FAM107A: variants seen among roughly 807,000 people sequenced by gnomAD.
The protein encoded by FAM107A is family with sequence similarity 107 member A, also known as actin-associated protein FAM107A.
A neutral mutation model predicts 13.7 loss-of-function variants in FAM107A; 19 were observed. The observed-to-expected ratio is 1.38, with a 90% CI of 0.97 to 2.03. The LOEUF (loss-of-function observed/expected upper bound fraction) is 2.03. Among genes scored for constraint, FAM107A ranks in the 30% most tolerant of loss-of-function variants. The pLI, the probability that FAM107A is intolerant of heterozygous loss-of-function variation, is 0.00. For synonymous variants in FAM107A, 82 were observed against 74.5 expected (o/e 1.10, Z -0.52); for missense variants, 203 against 184.4 (o/e 1.10, Z -0.58).
chr3:58,624,167 G>C (rs1379614669), intron 1 of FAM107A, among the ~76,000 whole-genome samples: 2 of 152,212 alleles, frequency 1.3e-5, no homozygotes, highest in Admixed American at 6.5e-5. Context: ...CAGACATCTG[G>C]GTTGAACTCA....
chr3:58,612,641 C>A (rs1393839126), intron 1 of FAM107A, among the ~76,000 whole-genome samples: 1 of 150,834 alleles, frequency 6.6e-6, no homozygotes, highest in Non-Finnish European at 1.5e-5. Flanking sequence ...CAGACTCATG[C>A]CACAGTGTCA....
At chr3:58,589,225 C>T (rs1016480510), upstream of FAM107A, 1 of 1,535,154 alleles carries the variant, frequency 6.5e-7, no homozygotes, top group Non-Finnish European at 8.7e-7. Flanking sequence ...TTCGTCTCTG[C>T]TTCTCATTTT....
intron 1 of FAM107A, among the ~76,000 whole-genome samples, chr3:58,573,026 A>G (rs761391474): frequency 3.6e-5 from 5 of 140,086 alleles, no homozygotes; most frequent in Admixed American, 7.6e-5. Context: ...CCCTGGCTCA[A>G]TGACTTGCTC....
chr3:58,616,644 CCA>C (rs2065904516), intron 1 of FAM107A, among the ~76,000 whole-genome samples: 1 of 151,976 alleles, frequency 6.6e-6, no homozygotes, highest in Non-Finnish European at 1.5e-5. Context: ...ATTGCAGGCA[CCA>C]CCAAAAGCTA....
chr3:58,614,123 T>G (rs1301052447), intron 1 of FAM107A, among the ~76,000 whole-genome samples: 2 of 152,210 alleles, frequency 1.3e-5, no homozygotes, highest in East Asian at 3.8e-4. Context: ...ATTTCAGGGT[T>G]GAGCCCATTA....
chr3:58,608,246 T>C (rs2065814231), intron 1 of FAM107A, among the ~76,000 whole-genome samples: 1 of 152,170 alleles, frequency 6.6e-6, no homozygotes, highest in Non-Finnish European at 1.5e-5. Flanking sequence ...CAATAAATAG[T>C]AGTTAAGAGT....
intron 1 of FAM107A, among the ~76,000 whole-genome samples, chr3:58,626,170 C>A (rs1429201239): frequency 1.3e-5 from 2 of 151,618 alleles, no homozygotes; most frequent in Admixed American, 6.6e-5. Flanking sequence ...GCACGTAGGA[C>A]AATCCCGAGA....
chr3:58,574,764 C>G (rs891225954), intron 1 of FAM107A, among the ~76,000 whole-genome samples: 3 of 152,172 alleles, frequency 2.0e-5, no homozygotes, highest in Non-Finnish European at 4.4e-5. Flanking sequence ...TTTGGAACCC[C>G]TTGCTTGGTT....
chr3:58,578,936 A>G (rs1157149015), upstream of FAM107A, among the ~76,000 whole-genome samples: 1 of 152,186 alleles, frequency 6.6e-6, no homozygotes, highest in Non-Finnish European at 1.5e-5. Flanking sequence ...TTTAATTCCT[A>G]CTGTGTTCCT....
chr3:58,609,759 AC>A (rs1285501787), intron 1 of FAM107A, among the ~76,000 whole-genome samples: 1 of 152,098 alleles, frequency 6.6e-6, no homozygotes, highest in African/African-American at 2.4e-5. Context: ...TGGATATGGG[AC>A]CAAAGTCGGG....
upstream of FAM107A, among the ~76,000 whole-genome samples, chr3:58,589,772 ACATT>A (rs1006807414): frequency 1.3e-5 from 2 of 152,218 alleles, no homozygotes; most frequent in African/African-American, 4.8e-5. Flanking sequence ...CTACTACGTC[ACATT>A]CAGTCATCAT....
chr3:58,580,958 G>T (rs114989906), upstream of FAM107A, among the ~76,000 whole-genome samples: 1,841 of 152,154 alleles, frequency 0.012, 43 homozygotes, highest in African/African-American at 0.042. Flanking sequence ...AATCACATCT[G>T]GCTCAGTTAT....
At chr3:58,624,449 C>A (rs979795502) in intron 1 of FAM107A, among the ~76,000 whole-genome samples, 3 of 151,870 alleles carry the variant, frequency 2.0e-5, no homozygotes, top group Non-Finnish European at 4.4e-5. Context: ...CACCCTCGAC[C>A]CTTTCAGTGT....
rs4681877 is a variant in FAM107A at position 58,617,512 on chromosome 3, C to G, written c.-70+9904G>C. Among the ~76,000 whole-genome samples, 59,243 of 151,932 alleles carry G rather than the reference C, an allele frequency of 0.39. 11,782 individuals are homozygous for G. Among genetic ancestry groups the G allele is most frequent in the Non-Finnish European group, 0.43 (29,296 of 67,948 alleles). On this transcript the variant is annotated intron_variant, in intron 1 of 3. Coordinates refer to the FAM107A transcript ENST00000465970. The surrounding 1 kb of genome is among the most constrained non-coding windows in gnomAD (Gnocchi z 4.5). The stretch of plus-strand genomic sequence containing the variant: ...GATGAAAAAGAAAGTTCCAGCTCCT[C>G]GCCTTTCTCTCCGCCCCAGGCCCTG...
At chr3:58,615,932 T>C (rs1309614329) in intron 1 of FAM107A, among the ~76,000 whole-genome samples, 1 of 146,378 alleles carries the variant, frequency 6.8e-6, no homozygotes, top group Non-Finnish European at 1.5e-5. Context: ...AGGACTTGTC[T>C]CTGAGCTGAA....
intron 1 of FAM107A, among the ~76,000 whole-genome samples, chr3:58,597,273 A>G (rs1002183957): frequency 6.6e-6 from 1 of 152,232 alleles, no homozygotes; most frequent in Admixed American, 6.5e-5. Context: ...GATACTGCCA[A>G]CAATGATTGT....
intron 1 of FAM107A, among the ~76,000 whole-genome samples, chr3:58,603,647 A>G (rs774946877): frequency 2.0e-5 from 3 of 152,088 alleles, no homozygotes; most frequent in African/African-American, 4.8e-5. Flanking sequence ...GTACCTCCAT[A>G]TCTGTTGGTC....
At chr3:58,568,794 G>A (rs1234895726) in intron 2 of FAM107A, among the ~76,000 whole-genome samples, 1 of 152,226 alleles carries the variant, frequency 6.6e-6, no homozygotes, top group Non-Finnish European at 1.5e-5. Context: ...CGTTCACGCT[G>A]TTACTGGTTA....
At chr3:58,597,553 T>TAACTTATTCA (rs1290628312) in intron 1 of FAM107A, among the ~76,000 whole-genome samples, 3 of 152,262 alleles carry the variant, frequency 2.0e-5, no homozygotes, top group African/African-American at 7.2e-5. Flanking sequence ...ATAGGAATTG[T>TAACTTATTCA]AACTTATTCA....
Sources: gnomAD v4.1 joint callset for allele counts (sites outside exome capture counted in the v4.1 genomes callset) on GRCh38, gnomAD v4.1.1 for gene constraint, Gnocchi (gnomAD v3.1) non-coding constraint, MANE v1.5 for transcripts, NCBI Gene and HGNC (gene_info 2026-07-23, HGNC 2026-07-21) for gene names.